The following PLPPR1 variants were observed in gnomAD, a reference collection of about 807,000 sequenced individuals.
PLPPR1 encodes the protein phospholipid phosphatase related 1, also known as phospholipid phosphatase-related protein type 1.
A neutral mutation model predicts 33.1 loss-of-function variants in PLPPR1; 10 were observed. The ratio of observed to expected loss-of-function variants is 0.30; its 90% CI spans 0.19 to 0.51. The LOEUF (loss-of-function observed/expected upper bound fraction) is 0.51. Among genes scored for constraint, PLPPR1 ranks in the 20% least tolerant of loss-of-function variants. PLPPR1 has a pLI of 0.97. For synonymous variants in PLPPR1, 151 were observed against 151.0 expected, an observed-to-expected ratio of 1.00 and a Z score of 0.00; for missense variants, 304 against 408.1, an observed-to-expected ratio of 0.74 and a Z score of 2.20.
chr9:101,271,961 G>C (rs1032758888), intron 3 of PLPPR1, among the ~76,000 whole-genome samples: 2 of 152,076 alleles, frequency 1.3e-5, no homozygotes, highest in Non-Finnish European at 2.9e-5. Flanking sequence ...TCAGAAAATA[G>C]AATTAATAAA....
At chr9:101,271,507 C>T (rs1267821234) in intron 3 of PLPPR1, among the ~76,000 whole-genome samples, 1 of 152,152 alleles carries the variant, frequency 6.6e-6, no homozygotes, top group Non-Finnish European at 1.5e-5. Flanking sequence ...GGGAGATATG[C>T]CCATTCCTCA....
At chr9:101,180,886 G>A (rs1208096276) in intron 1 of PLPPR1, among the ~76,000 whole-genome samples, 3 of 151,612 alleles carry the variant, frequency 2.0e-5, no homozygotes, top group African/African-American at 4.8e-5. Flanking sequence ...ATAAACAAAC[G>A]GGATTACACC....
chr9:101,237,054 T>C lies in PLPPR1; in HGVS notation c.64-32826T>C, dbSNP rs1201453081. Reference sequence around the variant, plus strand: ...AAAAGACAACATACAAGTGTATCTTTAAATGTGTGAAAAATGCTCAACATC... The same window carrying C: ...AAAAGACAACATACAAGTGTATCTTCAAATGTGTGAAAAATGCTCAACATC... On this transcript the variant is annotated intron_variant, in intron 2 of 7. Transcript: ENST00000374874. 4.6e-5 allele frequency among the ~76,000 whole-genome samples: 7 copies of C among 151,778 alleles called. No homozygotes were observed. In the East Asian group the frequency reaches 1.4e-3, roughly 29 times the overall value.
chr9:101,240,465 T>C (rs756488337), intron 2 of PLPPR1, among the ~76,000 whole-genome samples: 6 of 152,000 alleles, frequency 3.9e-5, no homozygotes, highest in Non-Finnish European at 7.4e-5. Flanking sequence ...TGGGATTTCA[T>C]TGCATCTGTG....
At chr9:101,032,211 C>A (rs1829953741) in intron 1 of PLPPR1, among the ~76,000 whole-genome samples, 1 of 151,550 alleles carries the variant, frequency 6.6e-6, no homozygotes, top group Non-Finnish European at 1.5e-5. Flanking sequence ...AGCATAAGAA[C>A]TTCAATTTTA....
intron 3 of PLPPR1, among the ~76,000 whole-genome samples, chr9:101,281,586 G>A (rs1218527384): frequency 6.6e-6 from 1 of 151,786 alleles, no homozygotes; most frequent in African/African-American, 2.4e-5. Flanking sequence ...ACAGAATAGA[G>A]AACCCAGAAA....
chr9:101,125,516 C>T (rs897381264), intron 1 of PLPPR1: 4 of 385,840 alleles, frequency 1.0e-5, no homozygotes, highest in African/African-American at 8.5e-5. Flanking sequence ...AAACAGGGAC[C>T]CTGGACCCAG....
At chr9:101,181,702 A>G (rs1826115253) in intron 1 of PLPPR1, among the ~76,000 whole-genome samples, 1 of 86,738 alleles carries the variant, frequency 1.2e-5, no homozygotes, top group South Asian at 2.9e-4. Flanking sequence ...ATACATATAT[A>G]CACACACCAA....
intron 1 of PLPPR1, among the ~76,000 whole-genome samples, chr9:101,181,540 A>G (rs1300426582): frequency 6.6e-6 from 1 of 151,354 alleles, no homozygotes; most frequent in East Asian, 1.9e-4. Context: ...ATTATTCACA[A>G]CAGCCAAGAT....
rs140565142 is a variant in PLPPR1 at position 101,241,166 on chromosome 9, T to C, written c.64-28714T>C. 1.6e-3 allele frequency among the ~76,000 whole-genome samples: 240 copies of C among 152,158 alleles called. 2 individuals are homozygous for C. Among genetic ancestry groups the C allele is most frequent in the African/African-American group, 5.2e-3 (217 of 41,544 alleles). On this transcript the variant is annotated intron_variant, in intron 2 of 7. Transcript: ENST00000374874. ...TGGAATAGGTACATGAAAGGTTTAT[T>C]GGGGAATATACATGTGAAGAGAGAG... is the stretch of plus-strand genomic sequence containing the variant.
At chr9:101,249,200 A>G (rs940920797) in intron 2 of PLPPR1, among the ~76,000 whole-genome samples, 4 of 152,130 alleles carry the variant, frequency 2.6e-5, no homozygotes, top group Non-Finnish European at 5.9e-5. Context: ...AATGTCTAGC[A>G]GTATCTCATG....
At chr9:101,308,984 C>G (rs1020915756) in intron 4 of PLPPR1, among the ~76,000 whole-genome samples, 3 of 152,078 alleles carry the variant, frequency 2.0e-5, no homozygotes, top group African/African-American at 7.2e-5. Context: ...TGTGCTTTTT[C>G]TAAACTACCG....
At chr9:101,139,316 T>A (rs1831417545) in intron 1 of PLPPR1, among the ~76,000 whole-genome samples, 1 of 152,106 alleles carries the variant, frequency 6.6e-6, no homozygotes, top group Middle Eastern at 3.4e-3. Context: ...CCTGTGAGAG[T>A]GTGCATTGCC....
intron 4 of PLPPR1, among the ~76,000 whole-genome samples, chr9:101,287,701 A>G (rs1019724721): frequency 6.6e-6 from 1 of 152,062 alleles, no homozygotes; most frequent in Admixed American, 6.6e-5. Flanking sequence ...AGGTTCCACC[A>G]TCTTGGCCAA....
intron 2 of PLPPR1, among the ~76,000 whole-genome samples, chr9:101,252,431 T>C (rs890976563): frequency 6.6e-6 from 1 of 152,124 alleles, no homozygotes; most frequent in Non-Finnish European, 1.5e-5. Flanking sequence ...CACAAGGAGT[T>C]TGACCGAAGT....
intron 2 of PLPPR1, among the ~76,000 whole-genome samples, chr9:101,204,528 G>T (rs950794094): frequency 2.6e-5 from 4 of 152,132 alleles, no homozygotes; most frequent in African/African-American, 9.7e-5. Context: ...ATATTGATGA[G>T]CATTCTGCAG....
Position 101,132,315 on chromosome 9 carries a change from A to G in PLPPR1, c.-45-53135A>G, listed in dbSNP as rs371166010. ...AGGAAAGTGAAGAAAACTAGAGCAA[A>G]GTAAAATTCAGTGCTAAAAAGAAAT... On this transcript the variant is annotated intron_variant, in intron 1 of 7. Transcript: ENST00000374874. Among the ~76,000 whole-genome samples the G allele has an allele frequency of 1.1e-4, 17 of 152,338 alleles. No homozygotes were observed. In the East Asian group the frequency reaches 3.1e-3, roughly 28 times the overall value.
chr9:101,112,925 C>T (rs1394290872), intron 1 of PLPPR1, among the ~76,000 whole-genome samples: 1 of 152,174 alleles, frequency 6.6e-6, no homozygotes, highest in Non-Finnish European at 1.5e-5. Context: ...AGATGTCTGC[C>T]TCAGATATTT....
chr9:101,118,568 C>G (rs1244330236), intron 1 of PLPPR1, among the ~76,000 whole-genome samples: 1 of 152,070 alleles, frequency 6.6e-6, no homozygotes, highest in Non-Finnish European at 1.5e-5. Flanking sequence ...TTCAGTTGGA[C>G]CAGCAGATAT....
Sources: allele counts gnomAD v4.1 joint callset (sites outside exome capture counted in the v4.1 genomes callset), GRCh38; gene constraint gnomAD v4.1.1; transcripts MANE v1.5; gene names NCBI Gene and HGNC (gene_info 2026-07-23, HGNC 2026-07-21).